The following MAF variants were observed in gnomAD, a reference collection of about 807,000 sequenced individuals.
MAF encodes the protein MAF bZIP transcription factor.
MAF carries 10 observed loss-of-function variants against 22.0 expected under a neutral mutation model. That is an observed-to-expected ratio of 0.45 (90% CI 0.28 to 0.77). MAF has a LOEUF of 0.77. Ranked by LOEUF, MAF falls within the 30% of genes least tolerant of loss-of-function variation. The probability of loss-of-function intolerance (pLI) is 0.12; values close to 1 mark genes in which losing one functional copy is unlikely to be tolerated. For synonymous variants in MAF, 337 were observed against 255.8 expected (o/e 1.32, Z -3.03); for missense variants, 544 against 548.4 (o/e 0.99, Z 0.08).
At chr16:79,591,416 C>T (rs1439242068), downstream of MAF, among the ~76,000 whole-genome samples, 2 of 152,100 alleles carry the variant, frequency 1.3e-5, no homozygotes, top group African/African-American at 2.4e-5. Flanking sequence ...AACTAAAGAT[C>T]TAAGGTGCAT....
At chr16:79,540,653 G>T in the MAF span, among the ~76,000 whole-genome samples, 2 of 152,188 alleles carry the variant, frequency 1.3e-5, no homozygotes, top group Non-Finnish European at 2.9e-5. Context: ...GGTGCATGCC[G>T]GGGAGATGGC....
the MAF span, among the ~76,000 whole-genome samples, chr16:79,504,577 G>A: frequency 3.6e-4 from 55 of 151,920 alleles, no homozygotes; most frequent in African/African-American, 1.2e-3. Context: ...ATGGATGGAC[G>A]GATGGATGGA....
chr16:79,595,502 C>T, intron 1 of MAF: 3 of 1,059,694 alleles, frequency 2.8e-6, no homozygotes, highest in Non-Finnish European at 3.4e-6. Flanking sequence ...GTCTAACATT[C>T]TATTGGTGTG....
intron 1 of MAF, chr16:79,596,690 A>G: frequency 2.9e-6 from 3 of 1,038,786 alleles, no homozygotes; most frequent in South Asian, 9.2e-5. Flanking sequence ...ATTTCTTTTT[A>G]AAGACAGGAT....
chr16:79,600,153 C>A lies in MAF; in HGVS notation c.-251G>T, dbSNP rs1913934441. 1 of 461,996 alleles carries A rather than the reference C, an allele frequency of 2.2e-6. No homozygotes were observed. The highest frequency in any genetic ancestry group is 3.8e-6 in the Non-Finnish European group (1 of 263,958). The allele number at this position is 461,996 out of a possible 1,614,324, so 28.6% of individuals were successfully genotyped here. A position where few individuals can be genotyped will look rare whatever the true frequency, so the allele number is the denominator to read the frequency against. On this transcript the variant is annotated 5_prime_UTR_variant, in exon 1 of 2. Transcript: ENST00000326043. Reference sequence around the variant, plus strand: ...CAATGTGCTCCCTCGCTCGCCCCGGCCCCTCCTTGCTCGCTCGCCTCCTTG... The same window carrying A: ...CAATGTGCTCCCTCGCTCGCCCCGGACCCTCCTTGCTCGCTCGCCTCCTTG...
At chr16:79,464,050 A>G in the MAF span, among the ~76,000 whole-genome samples, 1 of 152,152 alleles carries the variant, frequency 6.6e-6, no homozygotes, top group African/African-American at 2.4e-5. Flanking sequence ...GATCGGGAGC[A>G]GATGATGCAA....
chr16:79,283,409 A>T, the MAF span, among the ~76,000 whole-genome samples: 2 of 152,224 alleles, frequency 1.3e-5, no homozygotes, highest in Non-Finnish European at 2.9e-5. Context: ...ATTGGTAAAA[A>T]GTTCTCCTCA....
the MAF span, among the ~76,000 whole-genome samples, chr16:79,426,473 G>C: frequency 2.0e-5 from 3 of 152,270 alleles, no homozygotes; most frequent in South Asian, 6.2e-4. Flanking sequence ...ACATAGCCCA[G>C]TCTCTATTCC....
At chr16:79,472,720 A>C in the MAF span, among the ~76,000 whole-genome samples, 1 of 152,144 alleles carries the variant, frequency 6.6e-6, no homozygotes, top group Non-Finnish European at 1.5e-5. Flanking sequence ...AACTCTATAC[A>C]TATACAAAAG....
the MAF span, among the ~76,000 whole-genome samples, chr16:79,219,548 C>CAA: frequency 1.7e-3 from 107 of 64,734 alleles, 3 homozygotes; most frequent in Non-Finnish European, 2.2e-3. Context: ...GACTCTGCCT[C>CAA]AAAAAAAAAA....
the MAF span, among the ~76,000 whole-genome samples, chr16:79,248,825 C>A: frequency 6.6e-6 from 1 of 151,858 alleles, no homozygotes; most frequent in East Asian, 1.9e-4. Flanking sequence ...GCTTAGTGAG[C>A]TGAATATCTC....
At chr16:79,570,785 G>C in the MAF span, among the ~76,000 whole-genome samples, 1 of 152,142 alleles carries the variant, frequency 6.6e-6, no homozygotes. Flanking sequence ...GTCCTTCTGA[G>C]CCCATGCCTA....
the MAF span, among the ~76,000 whole-genome samples, chr16:79,351,703 C>T: frequency 3.9e-5 from 6 of 152,008 alleles, no homozygotes; most frequent in African/African-American, 9.7e-5. Flanking sequence ...CTTCAGCAAC[C>T]AGAAAGCCCA....
the MAF span, among the ~76,000 whole-genome samples, chr16:79,533,030 G>A: frequency 6.6e-6 from 1 of 152,250 alleles, no homozygotes; most frequent in South Asian, 2.1e-4. Flanking sequence ...ATTTTTATAC[G>A]ATGACTAATA....
chr16:79,500,563 G>C, the MAF span, among the ~76,000 whole-genome samples: 1 of 152,150 alleles, frequency 6.6e-6, no homozygotes, highest in African/African-American at 2.4e-5. Context: ...CACCACGGTA[G>C]AGATTATGAG....
the MAF span, among the ~76,000 whole-genome samples, chr16:79,232,844 T>TC: frequency 6.8e-6 from 1 of 146,568 alleles, no homozygotes; most frequent in East Asian, 2.0e-4. Context: ...ATTCTTTTTT[T>TC]TTTTTTTTTT....
chr16:79,283,189 G>A, the MAF span, among the ~76,000 whole-genome samples: 1 of 152,170 alleles, frequency 6.6e-6, no homozygotes, highest in Non-Finnish European at 1.5e-5. Context: ...CGGATGAATG[G>A]ATGGATGGAT....
the MAF span, among the ~76,000 whole-genome samples, chr16:79,376,195 T>C: frequency 6.6e-6 from 1 of 152,194 alleles, no homozygotes; most frequent in Non-Finnish European, 1.5e-5. Flanking sequence ...TTAGTTTGAT[T>C]AGTTTAGTTG....
chr16:79,374,327 T>C, the MAF span, among the ~76,000 whole-genome samples: 2 of 152,194 alleles, frequency 1.3e-5, no homozygotes, highest in East Asian at 3.9e-4. Flanking sequence ...CTGTCTTATC[T>C]TACCTTCTGC....
Sources: gnomAD v4.1 joint callset for allele counts (sites outside exome capture counted in the v4.1 genomes callset) on GRCh38, gnomAD v4.1.1 for gene constraint, MANE v1.5 for transcripts, NCBI Gene and HGNC (gene_info 2026-07-23, HGNC 2026-07-21) for gene names.